Variants in WDPCP observed in about 807,000 individuals in gnomAD.
WDPCP encodes WD repeat containing planar cell polarity effector, also known as WD repeat-containing and planar cell polarity effector protein fritz homolog.
In WDPCP, 71 loss-of-function variants were observed where a neutral mutation model predicts 93.1. That is an observed-to-expected ratio of 0.76 (90% CI 0.63 to 0.93). WDPCP has a LOEUF of 0.93. Ranked by LOEUF, WDPCP falls within the 40% of genes least tolerant of loss-of-function variation. WDPCP has a pLI of 0.00. For missense variants in WDPCP, 844 were observed against 887.4 expected (o/e 0.95, Z 0.62); for synonymous variants, 315 against 315.0 (o/e 1.00, Z 0.00).
chr2:63,447,164 T>C (rs1697920464), intron 6 of WDPCP, among the ~76,000 whole-genome samples: 1 of 152,172 alleles, frequency 6.6e-6, no homozygotes, highest in African/African-American at 2.4e-5. Flanking sequence ...CATTCTGTTT[T>C]ACTAGGAAAA....
chr2:63,486,526 T>C lies in WDPCP; in HGVS notation c.253+16A>G. 6.4e-7 allele frequency: 1 copy of C among 1,559,250 alleles called. No individual in the cohort carries two copies. Among genetic ancestry groups the C allele is most frequent in the Non-Finnish European group, 8.7e-7 (1 of 1,148,466 alleles). On this transcript the variant is annotated intron_variant, in intron 4 of 17. Transcript: ENST00000272321. ...ACAGTTTTATAATAATTCCAAAAAATATAAAGTAAGCTTACACTCTGCCAG... is the reference window on the plus strand; with the variant it reads ...ACAGTTTTATAATAATTCCAAAAAACATAAAGTAAGCTTACACTCTGCCAG...
intron 14 of WDPCP, among the ~76,000 whole-genome samples, chr2:63,211,396 G>A (rs1336432061): frequency 6.6e-6 from 1 of 152,174 alleles, no homozygotes; most frequent in African/African-American, 2.4e-5. Context: ...TGCAGATGAG[G>A]GTCCTGACTT....
intron 12 of WDPCP, among the ~76,000 whole-genome samples, chr2:63,320,518 A>G (rs767339622): frequency 2.0e-5 from 3 of 152,298 alleles, no homozygotes; most frequent in Middle Eastern, 3.4e-3. Context: ...ATACAATAGC[A>G]TAAAGGATGG....
intron 3 of WDPCP, among the ~76,000 whole-genome samples, chr2:63,633,820 C>T (rs558481563): frequency 3.9e-4 from 59 of 152,214 alleles, no homozygotes; most frequent in South Asian, 8.3e-4. Flanking sequence ...CCAGCACTTT[C>T]GGAGGCCAAG....
chr2:63,225,956 G>A (rs1445407029), intron 14 of WDPCP, among the ~76,000 whole-genome samples: 1 of 151,778 alleles, frequency 6.6e-6, no homozygotes, highest in Non-Finnish European at 1.5e-5. Context: ...TTCATGGTCT[G>A]GATGCCAATT....
At chr2:63,568,734 G>T (rs1011701375) in intron 1 of WDPCP, among the ~76,000 whole-genome samples, 2 of 152,204 alleles carry the variant, frequency 1.3e-5, no homozygotes, top group Admixed American at 1.3e-4. Flanking sequence ...GGAGAACAAA[G>T]GAAGGAGGAA....
chr2:63,220,213 A>T (rs2104475098), intron 14 of WDPCP, among the ~76,000 whole-genome samples: 2 of 152,264 alleles, frequency 1.3e-5, no homozygotes, highest in Middle Eastern at 3.4e-3. Flanking sequence ...TAGAAAACTG[A>T]TTGATTCCCA....
chr2:63,483,635 A>G (rs1482540369), intron 6 of WDPCP, among the ~76,000 whole-genome samples: 1 of 151,968 alleles, frequency 6.6e-6, no homozygotes, highest in Non-Finnish European at 1.5e-5. Context: ...CTTTATGAAT[A>G]GAACCATGGG....
At chr2:63,437,755 T>C in intron 7 of WDPCP, 1 of 1,241,346 alleles carries the variant, frequency 8.1e-7, no homozygotes, top group Admixed American at 2.7e-5. Context: ...TATGTGATTT[T>C]TTTTCCTGTG....
chr2:63,582,131 A>G (rs1292166807), intron 1 of WDPCP, among the ~76,000 whole-genome samples: 7 of 152,208 alleles, frequency 4.6e-5, no homozygotes. Flanking sequence ...ACTGGCAGAC[A>G]TGTTATAACC....
At chr2:63,305,487 C>A (rs753863139) in intron 13 of WDPCP, among the ~76,000 whole-genome samples, 3 of 152,160 alleles carry the variant, frequency 2.0e-5, no homozygotes, top group Non-Finnish European at 4.4e-5. Context: ...GGAAAACTAA[C>A]AAACAGAAAG....
intron 14 of WDPCP, among the ~76,000 whole-genome samples, chr2:63,186,166 G>T (rs116332203): frequency 0.011 from 1,746 of 152,320 alleles, 33 homozygotes; most frequent in African/African-American, 0.041. Flanking sequence ...GGGCACTCAG[G>T]AAAGTCAGTG....
At chr2:63,278,549 T>G (rs1683258635) in intron 13 of WDPCP, among the ~76,000 whole-genome samples, 1 of 152,134 alleles carries the variant, frequency 6.6e-6, no homozygotes, top group African/African-American at 2.4e-5. Context: ...AACATCCAGC[T>G]GGGCACGGTG....
Position 63,153,510 on chromosome 2 carries a change from T to A in WDPCP, c.2143A>T (p.Thr715Ser), listed in dbSNP as rs747270731. The change falls in exon 16 of 18, where the codon ACC (threonine) becomes TCC (serine). Residue 715 changes from threonine to serine, a missense_variant. By Grantham distance (58) the Thr-to-Ser change is moderately conservative. Coordinates refer to ENST00000272321, the MANE Select transcript of WDPCP (RefSeq NM_015910.7). ...DICSGFLMTN[T>S]CNAEDGELRE... ...ATACCATTACCTTCTGCATTACAGG[T>A]ATTAGTCATCAAAAATCCAGAACAG... 2 of 1,612,314 alleles carry A rather than the reference T, an allele frequency of 1.2e-6. No individual in the cohort carries two copies. Among genetic ancestry groups the A allele is most frequent in the East Asian group, 4.5e-5 (2 of 44,688 alleles).
At chr2:63,436,268 C>T (rs114358276) in intron 8 of WDPCP, among the ~76,000 whole-genome samples, 1 of 152,104 alleles carries the variant, frequency 6.6e-6, no homozygotes, top group African/African-American at 2.4e-5. Context: ...ATAAGTAGCA[C>T]TAATTTCCAG....
chr2:63,589,156 G>C, upstream of WDPCP: 1 of 1,611,954 alleles, frequency 6.2e-7, no homozygotes, highest in South Asian at 1.1e-5. Flanking sequence ...ACTGTCCTTC[G>C]CGCCCTTTGG....
At chr2:63,283,707 A>G (rs1323892316) in intron 13 of WDPCP, among the ~76,000 whole-genome samples, 1 of 152,178 alleles carries the variant, frequency 6.6e-6, no homozygotes, top group Non-Finnish European at 1.5e-5. Flanking sequence ...AAAAATCCAA[A>G]ATGCTTCAAA....
intron 2 of WDPCP, among the ~76,000 whole-genome samples, chr2:63,699,657 T>C (rs183037509): frequency 1.3e-5 from 2 of 152,292 alleles, no homozygotes; most frequent in Admixed American, 6.5e-5. Context: ...TATAAAAGAA[T>C]GAGTCATGGC....
At chr2:63,554,941 C>T (rs955343539) in intron 1 of WDPCP, among the ~76,000 whole-genome samples, 1 of 152,174 alleles carries the variant, frequency 6.6e-6, no homozygotes, top group Non-Finnish European at 1.5e-5. Flanking sequence ...TGCTACCCTG[C>T]CCAAGAAACC....
Sources: gnomAD v4.1 joint callset for allele counts (sites outside exome capture counted in the v4.1 genomes callset) on GRCh38, gnomAD v4.1.1 for gene constraint, MANE v1.5 for transcripts, NCBI Gene and HGNC (gene_info 2026-07-23, HGNC 2026-07-21) for gene names.